Variants in KCNB2 observed in about 807,000 individuals in gnomAD.
KCNB2 encodes the protein delayed rectifier potassium channel protein.
In KCNB2, 15 loss-of-function variants were observed where a neutral mutation model predicts 61.5. The ratio of observed to expected loss-of-function variants is 0.24; its 90% confidence interval spans 0.16 to 0.38. The LOEUF (loss-of-function observed/expected upper bound fraction) is 0.38. Ranked by LOEUF, KCNB2 falls within the 10% of genes least tolerant of loss-of-function variation. The pLI is 1.00. For synonymous variants in KCNB2, 457 were observed against 446.0 expected (o/e 1.02, Z -0.31); for missense variants, 828 against 1,125.2 (o/e 0.74, Z 3.78).
At chr8:72,794,898 C>CCTT (rs1275829835) in intron 2 of KCNB2, among the ~76,000 whole-genome samples, 3 of 152,030 alleles carry the variant, frequency 2.0e-5, no homozygotes, top group African/African-American at 7.2e-5. Flanking sequence ...GCCAGCTGGG[C>CCTT]CAAATACTGC....
chr8:72,694,026 G>T (rs1806980455), intron 2 of KCNB2, among the ~76,000 whole-genome samples: 1 of 152,106 alleles, frequency 6.6e-6, no homozygotes, highest in Admixed American at 6.6e-5. Flanking sequence ...CATTGGGAAA[G>T]AAAATAGAAA....
intron 2 of KCNB2, among the ~76,000 whole-genome samples, chr8:72,884,119 G>A (rs1805763919): frequency 6.6e-6 from 1 of 152,122 alleles, no homozygotes; most frequent in Non-Finnish European, 1.5e-5. Context: ...GACAATATGA[G>A]GATAAAATGA....
chr8:72,577,584 TA>T (rs1806818662), intron 2 of KCNB2, among the ~76,000 whole-genome samples: 1 of 152,194 alleles, frequency 6.6e-6, no homozygotes, highest in South Asian at 2.1e-4. Context: ...ATATTTTTAT[TA>T]GTCTCCCAAG....
rs139609234 is a variant in KCNB2, at chr8:72,537,768, G to C, written c.-211G>C. The C allele has an allele frequency of 2.6e-5, 4 of 152,240 alleles. No individual in the cohort carries two copies. The highest frequency in any genetic ancestry group is 2.6e-4 in the Admixed American group (4 of 15,286). 9.4% of individuals were successfully genotyped at this position (152,240 alleles called of 1,614,324 possible). On this transcript the variant is annotated 5_prime_UTR_variant, in exon 1 of 3. Coordinates refer to ENST00000523207, the MANE Select transcript of KCNB2 (RefSeq NM_004770.3). ...GAGGGGAGGGGGATTTCCAGCGACA[G>C]GTCATTGGCGAAGGGGATCGTCGCG...
chr8:72,909,561 G>T (rs2129007293), intron 2 of KCNB2, among the ~76,000 whole-genome samples: 1 of 152,172 alleles, frequency 6.6e-6, no homozygotes, highest in South Asian at 2.1e-4. Flanking sequence ...GAGGTGATGG[G>T]AGTATTAAAG....
At chr8:72,713,715 CAG>C (rs1343252364) in intron 2 of KCNB2, among the ~76,000 whole-genome samples, 2 of 152,278 alleles carry the variant, frequency 1.3e-5, no homozygotes, top group Non-Finnish European at 2.9e-5. Flanking sequence ...GGGGAAAAAA[CAG>C]AGCAGAAAAA....
In KCNB2 at chr8:72,881,520, G is replaced by T. The variant is rs1242160611; in HGVS notation, c.580-54415G>T. ...CTCAGATGGAAATGCAGAAATCACC[G>T]TCTTCTGCGTCGCTCACGCTGGGAG... On this transcript the variant is annotated intron_variant, in intron 2 of 2. Transcript: ENST00000523207. 2 of 108,810 alleles carry T rather than the reference G, an allele frequency of 1.8e-5. 1 individual carries two copies. The highest frequency in any genetic ancestry group is 4.3e-4 in the East Asian group (2 of 4,616). 6.7% of individuals were successfully genotyped at this position (108,810 alleles called of 1,614,324 possible). A position where few individuals can be genotyped will look rare whatever the true frequency, so the allele number is the denominator to read the frequency against.
chr8:72,619,389 G>C (rs1404660704), intron 2 of KCNB2: 2 of 493,884 alleles, frequency 4.0e-6, no homozygotes, highest in Non-Finnish European at 8.0e-6. Flanking sequence ...CCTGTTTCAA[G>C]TCATGTATTA....
chr8:72,614,516 C>T (rs902142972), intron 2 of KCNB2, among the ~76,000 whole-genome samples: 9 of 152,118 alleles, frequency 5.9e-5, no homozygotes, highest in Non-Finnish European at 1.3e-4. Context: ...AAAATGAGAT[C>T]GCACAGTGAA....
chr8:72,586,189 A>G (rs1190007110), intron 2 of KCNB2, among the ~76,000 whole-genome samples: 1 of 152,200 alleles, frequency 6.6e-6, no homozygotes, highest in African/African-American at 2.4e-5. Flanking sequence ...AAAATTAGCC[A>G]CTTGGAAATC....
chr8:72,931,160 TCTGTTTTGGTACCAGTACCATG>T (rs760319335), intron 2 of KCNB2, among the ~76,000 whole-genome samples: 17 of 152,322 alleles, frequency 1.1e-4, no homozygotes, highest in Non-Finnish European at 2.4e-4. Context: ...GATCTATATC[TCTGTTTTGGTACCAGTACCATG>T]CTGTTTTGGT....
chr8:72,903,616 G>A (rs952696733), intron 2 of KCNB2, among the ~76,000 whole-genome samples: 15 of 152,120 alleles, frequency 9.9e-5, no homozygotes, highest in African/African-American at 3.4e-4. Flanking sequence ...ATGACTTAAG[G>A]GAAATTATGC....
chr8:72,590,535 G>A (rs1807080067), intron 2 of KCNB2, among the ~76,000 whole-genome samples: 1 of 152,128 alleles, frequency 6.6e-6, no homozygotes. Flanking sequence ...TTTCATAAAT[G>A]TATTTCTATC....
intron 2 of KCNB2, among the ~76,000 whole-genome samples, chr8:72,585,036 G>A (rs1222401067): frequency 6.6e-6 from 1 of 152,150 alleles, no homozygotes; most frequent in Non-Finnish European, 1.5e-5. Flanking sequence ...TCGTGCCATA[G>A]GCTGCTCGTC....
chr8:72,711,099 A>C, intron 2 of KCNB2, among the ~76,000 whole-genome samples: 1 of 152,234 alleles, frequency 6.6e-6, no homozygotes, highest in African/African-American at 2.4e-5. Context: ...ACCCTGACTG[A>C]TGGAGCGCCA....
chr8:72,565,201 G>C (rs1806606031), intron 1 of KCNB2, among the ~76,000 whole-genome samples: 1 of 151,972 alleles, frequency 6.6e-6, no homozygotes, highest in Non-Finnish European at 1.5e-5. Flanking sequence ...AACTCCTGCT[G>C]CAAGTATATT....
intron 2 of KCNB2, among the ~76,000 whole-genome samples, chr8:72,658,771 A>T (rs545504270): frequency 7.9e-5 from 12 of 152,322 alleles, no homozygotes; most frequent in African/African-American, 2.9e-4. Context: ...TTTAAGCATG[A>T]TGCTAAATCC....
intron 2 of KCNB2, among the ~76,000 whole-genome samples, chr8:72,729,028 T>G (rs1236952519): frequency 1.3e-5 from 2 of 152,182 alleles, no homozygotes; most frequent in East Asian, 3.9e-4. Flanking sequence ...AACTGAGAGA[T>G]AAACCTGTGT....
At chr8:72,597,360 G>C (rs1243627220) in intron 2 of KCNB2, among the ~76,000 whole-genome samples, 1 of 152,060 alleles carries the variant, frequency 6.6e-6, no homozygotes, top group African/African-American at 2.4e-5. Flanking sequence ...TAAATGACAG[G>C]ATCAACCCAC....
Sources: allele counts gnomAD v4.1 joint callset (sites outside exome capture counted in the v4.1 genomes callset), GRCh38; gene constraint gnomAD v4.1.1; transcripts MANE v1.5; gene names NCBI Gene and HGNC (gene_info 2026-07-23, HGNC 2026-07-21).